NAP1L1: variants seen among roughly 807,000 people sequenced by gnomAD.
The protein encoded by NAP1L1 is nucleosome assembly protein 1 like 1, also known as nucleosome assembly protein 1-like 1.
A neutral mutation model predicts 58.9 loss-of-function variants in NAP1L1; 9 were observed. The observed-to-expected ratio is 0.15, with a 90% CI of 0.09 to 0.27. The LOEUF (loss-of-function observed/expected upper bound fraction) is 0.27, where lower values mean the gene tolerates loss of function less well. Among genes scored for constraint, NAP1L1 ranks in the 10% least tolerant of loss-of-function variants. The pLI is 1.00. For missense variants in NAP1L1, 302 were observed against 458.8 expected, an observed-to-expected ratio of 0.66 and a Z score of 3.12; for synonymous variants, 130 against 138.3, an observed-to-expected ratio of 0.94 and a Z score of 0.42.
In NAP1L1 at chr12:76,044,613, A is replaced by G. The variant is rs1417216665; in HGVS notation, c.*3816T>C. On this transcript the variant is annotated 3_prime_UTR_variant, in exon 15 of 15. Transcript: ENST00000618691. ...GAAGATGTGTTTAATACTCCAATAA[A>G]CTCATAAAGCTGAAGTCTTAAGTCA... 6.6e-6 allele frequency: 1 copy of G among 152,152 alleles called. No homozygotes were observed. Among genetic ancestry groups the G allele is most frequent in the East Asian group, 1.9e-4 (1 of 5,200 alleles). The allele number at this position is 152,152 out of a possible 1,614,324, so 9.4% of individuals were successfully genotyped here.
intron 1 of NAP1L1, among the ~76,000 whole-genome samples, 179 bp downstream of exon 1, chr12:76,084,388 G>C (rs746555076): frequency 6.6e-6 from 1 of 152,102 alleles, no homozygotes; most frequent in South Asian, 2.1e-4. Flanking sequence ...CCCCTCTCAG[G>C]CTCCGGGGTC....
chr12:76,066,630 T>C (rs1204372761), intron 4 of NAP1L1, among the ~76,000 whole-genome samples: 1 of 152,012 alleles, frequency 6.6e-6, no homozygotes, highest in African/African-American at 2.4e-5. Flanking sequence ...GATTTAAAAA[T>C]AAAAACAAAA....
At chr12:76,061,390 CT>C (rs996255411) in intron 4 of NAP1L1, among the ~76,000 whole-genome samples, 1 of 152,152 alleles carries the variant, frequency 6.6e-6, no homozygotes, top group Non-Finnish European at 1.5e-5. Flanking sequence ...ATTTGGTTCT[CT>C]GTTCATGTGT....
intron 4 of NAP1L1, among the ~76,000 whole-genome samples, chr12:76,067,065 T>C (rs1212747349): frequency 6.6e-6 from 1 of 152,116 alleles, no homozygotes; most frequent in Non-Finnish European, 1.5e-5. Flanking sequence ...ATTTATGTCA[T>C]CAGTGAAATA....
intron 2 of NAP1L1, 107 bp downstream of exon 2, chr12:76,074,096 A>G (rs1950084861): frequency 5.2e-6 from 5 of 963,380 alleles, no homozygotes; most frequent in Non-Finnish European, 6.6e-6. Flanking sequence ...GGTACTAAGC[A>G]TTAGTAACTA....
chr12:76,076,300 A>G (rs1396283977), intron 1 of NAP1L1, among the ~76,000 whole-genome samples: 2 of 152,056 alleles, frequency 1.3e-5, no homozygotes, highest in Non-Finnish European at 2.9e-5. Context: ...GTAATTATAA[A>G]TTAGTTTGAC....
intron 2 of NAP1L1, among the ~76,000 whole-genome samples, chr12:76,073,349 A>G (rs1232175515): frequency 6.6e-6 from 1 of 152,158 alleles, no homozygotes. Flanking sequence ...CTGTAAAATT[A>G]CACGCAACAA....
chr12:76,056,495 T>C (rs1184169199), intron 6 of NAP1L1: 11 of 398,532 alleles, frequency 2.8e-5, no homozygotes, highest in Admixed American at 2.2e-4. Context: ...CCTCACCCCA[T>C]GGTGTTCTTA....
Position 76,053,305 on chromosome 12 carries a change from A to G in NAP1L1, c.816T>C (p.Thr272=). 3 of 1,613,980 alleles carry G rather than the reference A, an allele frequency of 1.9e-6. No homozygotes were observed. Among genetic ancestry groups the G allele is most frequent in the Non-Finnish European group, 2.5e-6 (3 of 1,179,922 alleles). ...WKKGKNVTLK[T]IKKKQKHKGR... Reference sequence around the variant, plus strand: ...CCTTGTGTTTCTGCTTCTTCTTAATAGTTTTCAAAGTGACATTCTTTCCTT... The same window carrying G: ...CCTTGTGTTTCTGCTTCTTCTTAATGGTTTTCAAAGTGACATTCTTTCCTT... The change falls in exon 10 of 15, where the codon ACT becomes ACC. Residue 272 remains threonine, a synonymous_variant. Coordinates refer to ENST00000618691, the MANE Select transcript of NAP1L1 (RefSeq NM_004537.7).
rs1234410855 is a variant in NAP1L1 at position 76,047,407 on chromosome 12, T to G, written c.*1022A>C. On this transcript the variant is annotated 3_prime_UTR_variant, in exon 15 of 15. Transcript: ENST00000618691. ...TTTTTTTAAAAGAAAACAGCATCAA[T>G]CACTTAAGATTTTCTTCCTCTTTTT... The G allele has an allele frequency of 6.7e-6, 1 of 148,704 alleles. No homozygotes were observed. Among genetic ancestry groups the G allele is most frequent in the Non-Finnish European group, 1.5e-5 (1 of 67,060 alleles). 9.2% of individuals were successfully genotyped at this position (148,704 alleles called of 1,614,324 possible).
At chr12:76,069,473 C>G (rs758879476) in intron 2 of NAP1L1, among the ~76,000 whole-genome samples, 1 of 152,136 alleles carries the variant, frequency 6.6e-6, no homozygotes, top group Non-Finnish European at 1.5e-5. Context: ...TGGTAGATAG[C>G]TGGGAAGCCT....
intron 11 of NAP1L1, among the ~76,000 whole-genome samples, chr12:76,051,969 G>A (rs1434031943): frequency 1.3e-5 from 2 of 151,420 alleles, no homozygotes; most frequent in African/African-American, 4.9e-5. Flanking sequence ...AGTGGAGATC[G>A]CACCACTGCA....
At chr12:76,073,477 G>A (rs1950051924) in intron 2 of NAP1L1, among the ~76,000 whole-genome samples, 1 of 134,298 alleles carries the variant, frequency 7.4e-6, no homozygotes, top group Non-Finnish European at 1.6e-5. Context: ...ACATGACCTT[G>A]CCCAATACTT....
chr12:76,080,088 T>A lies in NAP1L1; in HGVS notation c.-21+4479A>T, dbSNP rs1314837140. 2.6e-5 allele frequency among the ~76,000 whole-genome samples: 4 copies of A among 152,158 alleles called. No individual in the cohort carries two copies. In the East Asian group the frequency reaches 7.7e-4, roughly 29 times the overall value. ...ACTAATTGGATACATAGAGCTGACA[T>A]AAGGCTAAGAAACCATTACCCAACT... is the stretch of plus-strand genomic sequence containing the variant. On this transcript the variant is annotated intron_variant, in intron 1 of 14. Coordinates refer to ENST00000618691, the MANE Select transcript of NAP1L1 (RefSeq NM_004537.7).
chr12:76,070,122 C>CT lies in NAP1L1; in HGVS notation c.18-1129dup, dbSNP rs5799240. 1.6e-3 allele frequency among the ~76,000 whole-genome samples: 236 copies of CT among 146,460 alleles called. 3 individuals carry two copies. In the Middle Eastern group the frequency reaches 0.028, roughly 17 times the overall value. On this transcript the variant is annotated intron_variant, in intron 2 of 14. Transcript: ENST00000618691. ...AAATGATACATACAATTTCTGAAAG[C>CT]TTTTTTTTTTTTGGGAGACAGTGTC...
Position 76,053,926 on chromosome 12 carries a change from T to A in NAP1L1, c.631-17A>T. 6.3e-7 allele frequency: 1 copy of A among 1,591,586 alleles called. No individual in the cohort carries two copies. The highest frequency in any genetic ancestry group is 8.5e-7 in the Non-Finnish European group (1 of 1,173,762). ...GACAAAACTCTGGGGAGAGGAAGCA[T>A]AAAAATCAGTTAAATACCTACCTCA... On this transcript the variant is annotated splice_polypyrimidine_tract_variant and intron_variant, in intron 8 of 14. Coordinates refer to ENST00000618691, the MANE Select transcript of NAP1L1 (RefSeq NM_004537.7).
intron 13 of NAP1L1, 120 bp from the exon 14 acceptor site, chr12:76,049,370 C>T: frequency 6.4e-7 from 1 of 1,569,168 alleles, no homozygotes; most frequent in Admixed American, 1.8e-5. Flanking sequence ...TGATTACAGA[C>T]TTTGATGATA....
rs374623767 is a variant in NAP1L1 at position 76,043,453 on chromosome 12, C to T, written c.*4976G>A. Reference sequence around the variant, plus strand: ...TTGCAGCAGTACACTCCAACCTGGGCAAATGAAGTAAGACCCTGTCTCAGA... The same window carrying T: ...TTGCAGCAGTACACTCCAACCTGGGTAAATGAAGTAAGACCCTGTCTCAGA... On this transcript the variant is annotated 3_prime_UTR_variant, in exon 15 of 15. Transcript: ENST00000618691. The T allele has an allele frequency of 8.5e-6, 1 of 117,920 alleles. No individual in the cohort carries two copies. Among genetic ancestry groups the T allele is most frequent in the African/African-American group, 3.3e-5 (1 of 30,362 alleles). 7.3% of individuals were successfully genotyped at this position (117,920 alleles called of 1,614,324 possible).
In NAP1L1 at chr12:76,062,936, G is replaced by GA. The variant is rs141957294; in HGVS notation, c.207-2658dup. 9.7e-3 allele frequency among the ~76,000 whole-genome samples: 1,474 copies of GA among 152,136 alleles called. 20 individuals are homozygous for GA. The highest frequency in any genetic ancestry group is 0.033 in the African/African-American group (1,368 of 41,500). ...GAAAGAATAACCTACAAAGAAAAAG[G>GA]AATCAGACTAACAACAGGCATTAAA... On this transcript the variant is annotated intron_variant, in intron 4 of 14. Coordinates refer to ENST00000618691, the MANE Select transcript of NAP1L1 (RefSeq NM_004537.7).
Sources: gnomAD v4.1 joint callset for allele counts (sites outside exome capture counted in the v4.1 genomes callset) on GRCh38, gnomAD v4.1.1 for gene constraint, MANE v1.5 for transcripts, NCBI Gene and HGNC (gene_info 2026-07-23, HGNC 2026-07-21) for gene names.